DOCK4: variants seen among roughly 807,000 people sequenced by gnomAD.
DOCK4 encodes the protein dedicator of cytokinesis protein 4.
A neutral mutation model predicts 268.1 loss-of-function variants in DOCK4; 97 were observed. That is an observed-to-expected ratio of 0.36 (90% CI 0.31 to 0.43). DOCK4 has a LOEUF of 0.43. Among genes scored for constraint, DOCK4 ranks in the 20% least tolerant of loss-of-function variants. DOCK4 has a pLI of 1.00. For missense variants in DOCK4, 2,145 were observed against 2,455.7 expected, an observed-to-expected ratio of 0.87 and a Z score of 2.67; for synonymous variants, 954 against 887.2, an observed-to-expected ratio of 1.08 and a Z score of -1.34.
intron 9 of DOCK4, 39 bp from the exon 10 acceptor site, chr7:111,944,910 A>C: frequency 6.3e-7 from 1 of 1,585,492 alleles, no homozygotes. Context: ...GGAAGACATG[A>C]GCGGCACTTA....
intron 36 of DOCK4, among the ~76,000 whole-genome samples, chr7:111,777,350 A>C (rs767706843): frequency 2.6e-5 from 4 of 152,216 alleles, no homozygotes; most frequent in Non-Finnish European, 5.9e-5. Flanking sequence ...TACTAAAACA[A>C]GATCTTCAGG....
chr7:112,141,436 T>C (rs187438585), intron 1 of DOCK4, among the ~76,000 whole-genome samples: 92 of 152,278 alleles, frequency 6.0e-4, no homozygotes, highest in African/African-American at 2.2e-3. Flanking sequence ...ATCAGCTGAC[T>C]TTAAGTAAAA....
chr7:111,762,775 T>C (rs1488356191), intron 39 of DOCK4, among the ~76,000 whole-genome samples: 10 of 129,100 alleles, frequency 7.7e-5, no homozygotes, highest in Non-Finnish European at 9.8e-5. Context: ...TTTTTTTTTT[T>C]TTTTTTTTTT....
chr7:112,197,383 C>T (rs1347927591), intron 1 of DOCK4, among the ~76,000 whole-genome samples: 1 of 151,034 alleles, frequency 6.6e-6, no homozygotes, highest in Non-Finnish European at 1.5e-5. Context: ...TTCTTAAATG[C>T]TGTTTCAGGG....
intron 13 of DOCK4, 96 bp from the exon 14 acceptor site, chr7:111,901,897 G>A (rs1228357601): frequency 3.6e-6 from 3 of 825,540 alleles, no homozygotes; most frequent in Non-Finnish European, 5.6e-6. Context: ...ACAATATACT[G>A]CTATACATAC....
chr7:112,186,159 A>C (rs951217978), intron 1 of DOCK4, among the ~76,000 whole-genome samples: 14 of 152,242 alleles, frequency 9.2e-5, no homozygotes, highest in African/African-American at 2.9e-4. Context: ...CTCTGCACCA[A>C]CAACCACCTT....
chr7:111,817,280 G>A (rs920746278), intron 27 of DOCK4, among the ~76,000 whole-genome samples: 2 of 152,058 alleles, frequency 1.3e-5, no homozygotes, highest in Admixed American at 6.6e-5. Context: ...AACAGTAAAA[G>A]CCTTTAAGGA....
intron 8 of DOCK4, among the ~76,000 whole-genome samples, chr7:111,973,573 C>T (rs1797901346): frequency 2.0e-5 from 3 of 151,874 alleles, no homozygotes; most frequent in African/African-American, 7.3e-5. Context: ...ATTTGTAAAA[C>T]AATGTTTATG....
chr7:111,890,708 G>T (rs12538308), intron 16 of DOCK4, among the ~76,000 whole-genome samples: 1 of 152,014 alleles, frequency 6.6e-6, no homozygotes, highest in African/African-American at 2.4e-5. Flanking sequence ...AGAACACATT[G>T]AGAAGTGAAG....
chr7:112,115,477 TCTGA>T (rs1455016749), intron 1 of DOCK4, among the ~76,000 whole-genome samples: 1 of 152,188 alleles, frequency 6.6e-6, no homozygotes, highest in Non-Finnish European at 1.5e-5. Context: ...TGTCTTGCAG[TCTGA>T]CTATTGTTCT....
intron 13 of DOCK4, among the ~76,000 whole-genome samples, chr7:111,909,340 G>C (rs545163275): frequency 1.3e-5 from 2 of 152,106 alleles, no homozygotes; most frequent in African/African-American, 2.4e-5. Flanking sequence ...CATATCCTTC[G>C]AAATTGCTTA....
intron 8 of DOCK4, among the ~76,000 whole-genome samples, chr7:111,972,681 C>A (rs536157488): frequency 6.6e-6 from 1 of 151,200 alleles, no homozygotes; most frequent in Non-Finnish European, 1.5e-5. Flanking sequence ...CCCTTTTTTA[C>A]GTTTTTTAGC....
intron 39 of DOCK4, among the ~76,000 whole-genome samples, chr7:111,762,766 T>TC (rs1563469496): frequency 0.011 from 1,207 of 113,188 alleles, 47 homozygotes; most frequent in African/African-American, 0.038. Flanking sequence ...TGTTTTCTTT[T>TC]TTTTTTTTTT....
intron 1 of DOCK4, among the ~76,000 whole-genome samples, chr7:112,020,685 TA>T (rs58803593): frequency 0.09 from 10,467 of 116,870 alleles, 1,037 homozygotes; most frequent in African/African-American, 0.27. Context: ...ACCCTAAAAG[TA>T]AAAAAAAAAA....
chr7:111,895,226 C>CA (rs1358949628), intron 16 of DOCK4, among the ~76,000 whole-genome samples: 1 of 151,492 alleles, frequency 6.6e-6, no homozygotes, highest in Non-Finnish European at 1.5e-5. Context: ...CAATAGCAGA[C>CA]AAAAAAAAGC....
intron 43 of DOCK4, among the ~76,000 whole-genome samples, chr7:111,746,814 CTTTTTTTT>C (rs59197701): frequency 3.1e-4 from 34 of 110,906 alleles, no homozygotes; most frequent in South Asian, 2.1e-3. Context: ...TCGGTCTTAT[CTTTTTTTT>C]TTTTTTTTTT....
chr7:111,760,399 G>A lies in DOCK4; in HGVS notation c.4021-77C>T. 7 of 1,455,510 alleles carry A rather than the reference G, an allele frequency of 4.8e-6. No individual in the cohort carries two copies. In the Admixed American group the frequency reaches 1.1e-4, roughly 22 times the overall value. 90.2% of individuals were successfully genotyped at this position (1,455,510 alleles called of 1,614,324 possible). On this transcript the variant is annotated intron_variant, in intron 39 of 52. Coordinates refer to ENST00000428084, the MANE Select transcript of DOCK4 (RefSeq NM_001363540.2). ...AGACAGAGCCAAAAAACATGACACT[G>A]GCAGTAACTGACCACATGCCCCATA...
intron 1 of DOCK4, among the ~76,000 whole-genome samples, chr7:112,056,869 G>A (rs1805862867): frequency 6.6e-6 from 1 of 151,926 alleles, no homozygotes; most frequent in Non-Finnish European, 1.5e-5. Context: ...TTATATACAA[G>A]GTTGAAATAA....
intron 7 of DOCK4, among the ~76,000 whole-genome samples, chr7:111,978,548 G>A (rs774105979): frequency 2.4e-4 from 37 of 152,186 alleles, no homozygotes; most frequent in Non-Finnish European, 4.4e-4. Flanking sequence ...TCCAGATTAT[G>A]ATGAGAGTAT....
Sources: gnomAD v4.1 joint callset for allele counts (sites outside exome capture counted in the v4.1 genomes callset) on GRCh38, gnomAD v4.1.1 for gene constraint, MANE v1.5 for transcripts, NCBI Gene and HGNC (gene_info 2026-07-23, HGNC 2026-07-21) for gene names.